Variants in SEMA6A observed in about 807,000 individuals in gnomAD.
The protein encoded by SEMA6A is semaphorin 6A.
A neutral mutation model predicts 96.8 loss-of-function variants in SEMA6A; 25 were observed. That is an observed-to-expected ratio of 0.26 (90% CI 0.19 to 0.36). The LOEUF (loss-of-function observed/expected upper bound fraction) is 0.36, where lower values mean the gene tolerates loss of function less well. Among genes scored for constraint, SEMA6A ranks in the 10% least tolerant of loss-of-function variants. SEMA6A has a pLI of 1.00. For synonymous variants in SEMA6A, 612 were observed against 518.0 expected (o/e 1.18, Z -2.46); for missense variants, 1,363 against 1,323.1 (o/e 1.03, Z -0.47).
At chr5:116,477,097 C>G (rs1377768786) in intron 15 of SEMA6A, among the ~76,000 whole-genome samples, 5 of 152,204 alleles carry the variant, frequency 3.3e-5, no homozygotes, top group African/African-American at 7.2e-5. Context: ...TCTGTGCTGT[C>G]TAACCTCCTA....
intron 1 of SEMA6A, among the ~76,000 whole-genome samples, chr5:116,563,171 TCTG>T (rs1268881895): frequency 2.0e-5 from 3 of 152,218 alleles, no homozygotes; most frequent in African/African-American, 7.2e-5. Flanking sequence ...GTCCAGCACT[TCTG>T]CAGTATGCTT....
chr5:116,553,641 T>C (rs928549372), intron 1 of SEMA6A, among the ~76,000 whole-genome samples: 2 of 152,116 alleles, frequency 1.3e-5, no homozygotes, highest in Admixed American at 6.5e-5. Context: ...ATGGACTCAA[T>C]AGTACCCGGC....
chr5:116,499,435 T>TGGGGG (rs1757765838), intron 3 of SEMA6A, among the ~76,000 whole-genome samples: 1 of 63,628 alleles, frequency 1.6e-5, no homozygotes, highest in African/African-American at 6.3e-5. Context: ...GGGGGTGGGG[T>TGGGGG]GCGGGGAGGG....
intron 1 of SEMA6A, among the ~76,000 whole-genome samples, chr5:116,522,986 A>G (rs1245835990): frequency 6.6e-6 from 1 of 152,220 alleles, no homozygotes; most frequent in African/African-American, 2.4e-5. Flanking sequence ...GAGAAAAGAA[A>G]GAATTCATCA....
intron 1 of SEMA6A, among the ~76,000 whole-genome samples, chr5:116,513,698 G>C (rs1758528290): frequency 6.6e-6 from 1 of 151,646 alleles, no homozygotes; most frequent in Admixed American, 6.6e-5. Context: ...GTGTCATGGT[G>C]GTTTGCGGCA....
chr5:116,472,324 C>T (rs1380907756), intron 17 of SEMA6A: 2 of 152,288 alleles, frequency 1.3e-5, no homozygotes, highest in Non-Finnish European at 2.9e-5. Flanking sequence ...CGTCACTCTT[C>T]CTTGTCTACA....
intron 17 of SEMA6A, chr5:116,468,953 CT>C (rs36087132): frequency 0.41 from 60,498 of 147,738 alleles, 12,983 homozygotes; most frequent in Non-Finnish European, 0.5. Flanking sequence ...ACAGTGCATT[CT>C]TTTTTTTTTT....
intron 1 of SEMA6A, among the ~76,000 whole-genome samples, chr5:116,571,695 T>C (rs1230380339): frequency 6.6e-6 from 1 of 152,228 alleles, no homozygotes; most frequent in Non-Finnish European, 1.5e-5. Context: ...TTTAGGTTAA[T>C]AGGTGGAGAC....
In SEMA6A at chr5:116,531,423, G is replaced by C. The variant is rs555279667; in HGVS notation, c.-38-26441C>G. Among the ~76,000 whole-genome samples, 596 of 152,192 alleles carry C rather than the reference G, an allele frequency of 3.9e-3. 11 individuals carry two copies. The highest frequency in any genetic ancestry group is 0.014 in the African/African-American group (562 of 41,516). ...GGAGCCCTCTGGATGTTTCACCCGGGCCCAATCTACCTTGTGTAAAGGCCC... is the reference window on the plus strand; with the variant it reads ...GGAGCCCTCTGGATGTTTCACCCGGCCCCAATCTACCTTGTGTAAAGGCCC... On this transcript the variant is annotated intron_variant, in intron 1 of 18. Transcript: ENST00000343348.
intron 1 of SEMA6A, among the ~76,000 whole-genome samples, chr5:116,551,898 C>G (rs1240027073): frequency 6.6e-6 from 1 of 152,314 alleles, no homozygotes; most frequent in East Asian, 1.9e-4. Context: ...CAGGAGCCAT[C>G]AACTTTCTGA....
At chr5:116,460,133 A>G (rs1167449643) in intron 18 of SEMA6A, among the ~76,000 whole-genome samples, 1 of 152,220 alleles carries the variant, frequency 6.6e-6, no homozygotes. Flanking sequence ...TGGTTAACAT[A>G]ACAGCTGTTA....
chr5:116,504,129 C>G (rs1758028713), intron 2 of SEMA6A, among the ~76,000 whole-genome samples: 2 of 151,908 alleles, frequency 1.3e-5, no homozygotes, highest in African/African-American at 4.8e-5. Context: ...GTTTTGGGGT[C>G]ATTACTATGA....
Position 116,479,911 on chromosome 5 carries a change from A to C in SEMA6A, c.1250+211T>G, listed in dbSNP as rs469035. ...TCCTCTAATTGCTGGCATGTGTCCA[A>C]CTAGCCTGAAAATATTGGAACTCTT... On this transcript the variant is annotated intron_variant, in intron 12 of 18. Transcript: ENST00000343348. Among the ~76,000 whole-genome samples the C allele has an allele frequency of 0.5, 75,882 of 152,000 alleles. 19,449 individuals carry two copies. The highest frequency in any genetic ancestry group is 0.78 in the East Asian group (4,027 of 5,170).
chr5:116,464,488 C>A (rs187769826), intron 18 of SEMA6A, among the ~76,000 whole-genome samples: 74 of 152,314 alleles, frequency 4.9e-4, no homozygotes, highest in African/African-American at 1.8e-3. Context: ...TATGATAATG[C>A]TTCCGCGTGC....
intron 6 of SEMA6A, among the ~76,000 whole-genome samples, chr5:116,492,902 T>C (rs1757398405): frequency 6.6e-6 from 1 of 152,228 alleles, no homozygotes; most frequent in Admixed American, 6.5e-5. Context: ...AGCTGTCGTT[T>C]TCCCTGCAGC....
intron 1 of SEMA6A, among the ~76,000 whole-genome samples, chr5:116,569,521 A>G (rs1761127527): frequency 6.6e-6 from 1 of 152,224 alleles, no homozygotes; most frequent in Admixed American, 6.5e-5. Context: ...TAGTTTAAAA[A>G]AAAAATCACT....
intron 1 of SEMA6A, among the ~76,000 whole-genome samples, chr5:116,532,974 T>G (rs1443648373): frequency 1.3e-5 from 2 of 152,198 alleles, no homozygotes; most frequent in Non-Finnish European, 2.9e-5. Context: ...ATCAGGTTTC[T>G]CCACCCCCTC....
chr5:116,568,199 T>G lies in SEMA6A; in HGVS notation c.-39+5986A>C, dbSNP rs571553204. Among the ~76,000 whole-genome samples, 12 of 152,302 alleles carry G rather than the reference T, an allele frequency of 7.9e-5. No homozygotes were observed. The East Asian group carries it at 2.3e-3, about 29-fold the overall frequency. On this transcript the variant is annotated intron_variant, in intron 1 of 18. Coordinates refer to ENST00000343348, the MANE Select transcript of SEMA6A (RefSeq NM_020796.5). ...GGGGTTAACATCAAACTTCCCAAATTTCCACAATGCGTGTAATATTTCACT... is the reference window on the plus strand; with the variant it reads ...GGGGTTAACATCAAACTTCCCAAATGTCCACAATGCGTGTAATATTTCACT...
At chr5:116,514,452 A>G (rs11738823) in intron 1 of SEMA6A, among the ~76,000 whole-genome samples, 4,879 of 152,154 alleles carry the variant, frequency 0.032, 98 homozygotes, top group Middle Eastern at 0.041. Flanking sequence ...TCCTTTACCC[A>G]CTTTTTAATG....
Sources: allele counts gnomAD v4.1 joint callset (sites outside exome capture counted in the v4.1 genomes callset), GRCh38; gene constraint gnomAD v4.1.1; transcripts MANE v1.5; gene names NCBI Gene and HGNC (gene_info 2026-07-23, HGNC 2026-07-21).